PRR5L: variants seen among roughly 807,000 people sequenced by gnomAD.
The protein encoded by PRR5L is proline-rich protein 5-like.
PRR5L carries 21 observed loss-of-function variants against 36.4 expected under a neutral mutation model. The observed-to-expected ratio is 0.58, with a 90% confidence interval of 0.41 to 0.83. The LOEUF (loss-of-function observed/expected upper bound fraction) is 0.83, where lower values mean the gene tolerates loss of function less well. Ranked by LOEUF, PRR5L falls within the 40% of genes least tolerant of loss-of-function variation. The pLI is 0.00. For missense variants in PRR5L, 381 were observed against 473.3 expected, an observed-to-expected ratio of 0.80 and a Z score of 1.81; for synonymous variants, 188 against 197.0, an observed-to-expected ratio of 0.95 and a Z score of 0.38.
At chr11:36,338,467 C>T (rs369587212) in intron 1 of PRR5L, among the ~76,000 whole-genome samples, 1 of 152,200 alleles carries the variant, frequency 6.6e-6, no homozygotes, top group East Asian at 1.9e-4. Context: ...CATGAGATCT[C>T]TTCAGATAAT....
chr11:36,420,694 T>C (rs773708799), intron 4 of PRR5L, among the ~76,000 whole-genome samples: 10 of 151,910 alleles, frequency 6.6e-5, no homozygotes, highest in Non-Finnish European at 1.5e-4. Flanking sequence ...TGTGTCCAAA[T>C]AGAGCATACT....
chr11:36,437,592 AT>A (rs1858631810), intron 6 of PRR5L, 116 bp downstream of exon 6: 3 of 650,438 alleles, frequency 4.6e-6, no homozygotes, highest in Non-Finnish European at 8.1e-6. Context: ...GGGCGCTTGT[AT>A]TGGTTAAGGA....
chr11:36,382,246 G>A (rs1469891560), intron 1 of PRR5L, among the ~76,000 whole-genome samples: 1 of 152,216 alleles, frequency 6.6e-6, no homozygotes, highest in Non-Finnish European at 1.5e-5. Flanking sequence ...GTCCTAACGG[G>A]CATCATGGAG....
At chr11:36,374,148 C>A (rs1857229445) in intron 1 of PRR5L, among the ~76,000 whole-genome samples, 1 of 150,760 alleles carries the variant, frequency 6.6e-6, no homozygotes, top group Non-Finnish European at 1.5e-5. Flanking sequence ...TGCTCTGTCT[C>A]CCAGGCTGGA....
chr11:36,304,478 G>T (rs1856408952), intron 1 of PRR5L, among the ~76,000 whole-genome samples: 1 of 152,164 alleles, frequency 6.6e-6, no homozygotes, highest in African/African-American at 2.4e-5. Flanking sequence ...GGTTTGTGCT[G>T]TACATATGAT....
intron 1 of PRR5L, among the ~76,000 whole-genome samples, chr11:36,354,642 G>A (rs760182276): frequency 1.1e-4 from 16 of 152,172 alleles, no homozygotes; most frequent in Non-Finnish European, 1.8e-4. Flanking sequence ...GTGAGAAAAC[G>A]CAGAATGCTA....
intron 1 of PRR5L, among the ~76,000 whole-genome samples, chr11:36,385,156 A>G (rs779538220): frequency 6.6e-6 from 1 of 152,202 alleles, no homozygotes; most frequent in Non-Finnish European, 1.5e-5. Flanking sequence ...TATACGTTAC[A>G]TGTCAGAAAT....
chr11:36,442,908 T>C (rs1032100621), intron 6 of PRR5L, among the ~76,000 whole-genome samples: 8 of 152,174 alleles, frequency 5.3e-5, no homozygotes, highest in African/African-American at 1.7e-4. Flanking sequence ...TGTCATCTTT[T>C]GAGCCCTGAG....
chr11:36,445,910 A>G (rs953274707), intron 6 of PRR5L, among the ~76,000 whole-genome samples: 2 of 152,112 alleles, frequency 1.3e-5, no homozygotes, highest in South Asian at 2.1e-4. Context: ...CTTTATTTGT[A>G]TGATAGATGT....
intron 1 of PRR5L, among the ~76,000 whole-genome samples, chr11:36,315,932 T>C (rs1856550934): frequency 6.6e-6 from 1 of 152,198 alleles, no homozygotes; most frequent in African/African-American, 2.4e-5. Flanking sequence ...AAAACAGCTT[T>C]GGAGCCCCTC....
chr11:36,460,003 T>C lies in PRR5L; in HGVS notation c.713-2339T>C, dbSNP rs113293774. Reference sequence around the variant, plus strand: ...ACGTATCAATAAAAAGATAATGAAATTTTAAAAATCACCGGGTAATACCTT... The same window carrying C: ...ACGTATCAATAAAAAGATAATGAAACTTTAAAAATCACCGGGTAATACCTT... On this transcript the variant is annotated intron_variant, in intron 8 of 8. Transcript: ENST00000530639. 5.0e-3 allele frequency among the ~76,000 whole-genome samples: 767 copies of C among 152,278 alleles called. 2 individuals are homozygous for C. Among genetic ancestry groups the C allele is most frequent in the African/African-American group, 0.017 (707 of 41,558 alleles).
chr11:36,309,762 T>C (rs917662548), intron 1 of PRR5L, among the ~76,000 whole-genome samples: 1 of 150,870 alleles, frequency 6.6e-6, no homozygotes, highest in Admixed American at 6.6e-5. Flanking sequence ...AATTAAAGAT[T>C]TTGTATGTGT....
intron 1 of PRR5L, among the ~76,000 whole-genome samples, chr11:36,372,896 G>A (rs1233092288): frequency 1.3e-5 from 2 of 152,008 alleles, no homozygotes; most frequent in African/African-American, 2.4e-5. Flanking sequence ...AACATTTAAC[G>A]AGCCCACAGC....
At chr11:36,420,021 G>T (rs1043818515) in intron 4 of PRR5L, among the ~76,000 whole-genome samples, 4 of 152,158 alleles carry the variant, frequency 2.6e-5, no homozygotes, top group African/African-American at 9.7e-5. Context: ...TGAGTTTAAG[G>T]TTCCAGGACC....
At chr11:36,337,181 C>A (rs1223983995) in intron 1 of PRR5L, among the ~76,000 whole-genome samples, 1 of 152,094 alleles carries the variant, frequency 6.6e-6, no homozygotes, top group Non-Finnish European at 1.5e-5. Flanking sequence ...GGTCATCCCC[C>A]CAAAATTAAT....
intron 1 of PRR5L, among the ~76,000 whole-genome samples, chr11:36,322,698 CCCAGG>C (rs1856624305): frequency 6.6e-6 from 1 of 152,128 alleles, no homozygotes; most frequent in Non-Finnish European, 1.5e-5. Flanking sequence ...GCAGCCCTTG[CCCAGG>C]TGTTATGAAT....
Position 36,373,498 on chromosome 11 carries a change from G to C in PRR5L, c.-125-27499G>C, listed in dbSNP as rs1590496468. On this transcript the variant is annotated intron_variant, in intron 1 of 8. Coordinates refer to ENST00000530639, the MANE Select transcript of PRR5L (RefSeq NM_001160167.2). ...GGCTGTGATCCCAGTGCTTTGGGAG[G>C]CTGAGGCAAAGGCTCAGTTGAGCCC... is the stretch of plus-strand genomic sequence containing the variant. Among the ~76,000 whole-genome samples, 9 of 151,978 alleles carry C rather than the reference G, an allele frequency of 5.9e-5. No individual in the cohort carries two copies. The East Asian group carries it at 1.4e-3, about 23-fold the overall frequency.
chr11:36,439,695 A>G (rs564833027), intron 6 of PRR5L, among the ~76,000 whole-genome samples: 4 of 152,332 alleles, frequency 2.6e-5, no homozygotes, highest in East Asian at 1.9e-4. Flanking sequence ...TGGTCATCAG[A>G]GGTATATAGC....
intron 1 of PRR5L, among the ~76,000 whole-genome samples, chr11:36,389,154 C>A (rs1350061166): frequency 6.7e-6 from 1 of 148,562 alleles, no homozygotes; most frequent in Non-Finnish European, 1.5e-5. Context: ...AGCCACTTGA[C>A]GTGCCTTGAA....
Sources: gnomAD v4.1 joint callset for allele counts (sites outside exome capture counted in the v4.1 genomes callset) on GRCh38, gnomAD v4.1.1 for gene constraint, MANE v1.5 for transcripts, NCBI Gene and HGNC (gene_info 2026-07-23, HGNC 2026-07-21) for gene names.